The following ACTR3C variants were observed in gnomAD, a reference collection of about 807,000 sequenced individuals.
ACTR3C encodes actin-related protein 3C.
A neutral mutation model predicts 26.3 loss-of-function variants in ACTR3C; 18 were observed. That is an observed-to-expected ratio of 0.68 (90% CI 0.47 to 1.01). ACTR3C has a LOEUF of 1.01. Among genes scored for constraint, ACTR3C ranks in the 50% least tolerant of loss-of-function variants. ACTR3C has a pLI of 0.00. For missense variants in ACTR3C, 184 were observed against 250.7 expected, an observed-to-expected ratio of 0.73 and a Z score of 1.80; for synonymous variants, 55 against 94.5, an observed-to-expected ratio of 0.58 and a Z score of 2.42.
At chr7:150,017,958 C>T in the ACTR3C span, among the ~76,000 whole-genome samples, 1 of 150,366 alleles carries the variant, frequency 6.7e-6, no homozygotes, top group South Asian at 2.1e-4. Context: ...AAGCAAAGGC[C>T]ACCTGATGTG....
the ACTR3C span, among the ~76,000 whole-genome samples, chr7:149,888,689 C>T: frequency 1.3e-5 from 2 of 152,164 alleles, no homozygotes; most frequent in African/African-American, 2.4e-5. Context: ...CAAGATCAGA[C>T]AGCCTCATTT....
the ACTR3C span, among the ~76,000 whole-genome samples, chr7:150,006,308 T>C: frequency 2.6e-5 from 4 of 152,022 alleles, no homozygotes; most frequent in South Asian, 8.3e-4. Flanking sequence ...AGCATTCTCC[T>C]GCCTCAGCCT....
At chr7:150,201,983 A>G in the ACTR3C span, among the ~76,000 whole-genome samples, 2 of 152,118 alleles carry the variant, frequency 1.3e-5, no homozygotes, top group Non-Finnish European at 2.9e-5. Context: ...TCAAGGAGGA[A>G]TTTCTGGGCT....
chr7:150,151,052 C>CTATA, the ACTR3C span, among the ~76,000 whole-genome samples: 2 of 66,136 alleles, frequency 3.0e-5, no homozygotes, highest in African/African-American at 1.1e-4. Context: ...TACAGTAAAA[C>CTATA]TATATTTTCC....
chr7:150,100,403 G>A, the ACTR3C span, among the ~76,000 whole-genome samples: 1 of 151,668 alleles, frequency 6.6e-6, no homozygotes, highest in South Asian at 2.1e-4. Flanking sequence ...TCTGCGCTGA[G>A]TTTTACAGGT....
the ACTR3C span, among the ~76,000 whole-genome samples, chr7:149,969,269 CTGTGTGTGTGTGTG>C: frequency 0.022 from 3,141 of 141,464 alleles, 116 homozygotes; most frequent in African/African-American, 0.074. Flanking sequence ...TCAGAAAGAG[CTGTGTGTGTGTGTG>C]TGTGTGTGTG....
chr7:150,086,134 C>T, the ACTR3C span, among the ~76,000 whole-genome samples: 2 of 152,060 alleles, frequency 1.3e-5, no homozygotes, highest in Non-Finnish European at 2.9e-5. Context: ...CACGTGTGTG[C>T]CACCACACAT....
chr7:149,901,917 A>C, the ACTR3C span, among the ~76,000 whole-genome samples: 1 of 52,060 alleles, frequency 1.9e-5, no homozygotes, highest in African/African-American at 8.6e-5. Flanking sequence ...TCTCAAAAAA[A>C]AAAAAAAAAA....
At chr7:150,146,122 T>C in the ACTR3C span, among the ~76,000 whole-genome samples, 1 of 152,228 alleles carries the variant, frequency 6.6e-6, no homozygotes, top group Non-Finnish European at 1.5e-5. Flanking sequence ...TTATTAGTTA[T>C]CCATGTATAT....
At chr7:150,046,907 T>C in the ACTR3C span, among the ~76,000 whole-genome samples, 4 of 151,318 alleles carry the variant, frequency 2.6e-5, no homozygotes, top group Non-Finnish European at 5.9e-5. Flanking sequence ...CTGAACACGG[T>C]CTAAGGCAGA....
the ACTR3C span, among the ~76,000 whole-genome samples, chr7:149,932,690 GGA>G: frequency 1.3e-5 from 2 of 150,466 alleles, no homozygotes; most frequent in East Asian, 4.0e-4. Context: ...AGGGAGCGGG[GGA>G]GAGAGAGAAA....
the ACTR3C span, among the ~76,000 whole-genome samples, chr7:150,172,270 T>C: frequency 6.6e-6 from 1 of 150,642 alleles, no homozygotes. Context: ...AAAGGAGGTT[T>C]AATTGGACTT....
the ACTR3C span, among the ~76,000 whole-genome samples, chr7:150,196,439 T>C: frequency 3.3e-5 from 5 of 152,228 alleles, no homozygotes; most frequent in Non-Finnish European, 5.9e-5. Flanking sequence ...TTTTAGCATT[T>C]CCATTGATTC....
chr7:150,184,517 C>T, the ACTR3C span, among the ~76,000 whole-genome samples: 1 of 150,328 alleles, frequency 6.7e-6, no homozygotes, highest in African/African-American at 2.5e-5. Flanking sequence ...GTGAATCTAT[C>T]TCCATTCTTG....
the ACTR3C span, among the ~76,000 whole-genome samples, chr7:150,210,227 G>A: frequency 6.7e-6 from 1 of 149,898 alleles, no homozygotes; most frequent in East Asian, 1.9e-4. Flanking sequence ...TCTTGAGTGT[G>A]GGCAAGGATT....
At chr7:149,940,855 A>G in the ACTR3C span, among the ~76,000 whole-genome samples, 2 of 150,076 alleles carry the variant, frequency 1.3e-5, no homozygotes, top group African/African-American at 4.9e-5. Context: ...AGAGGGGAAG[A>G]CAAGCTGGGC....
chr7:150,171,772 C>T, the ACTR3C span, among the ~76,000 whole-genome samples: 6 of 150,118 alleles, frequency 4.0e-5, no homozygotes, highest in Non-Finnish European at 8.8e-5. Flanking sequence ...ACACAGCTTA[C>T]AAATATTAAA....
intron 1 of ACTR3C, chr7:150,323,120 A>G (rs1797724645): frequency 5.3e-6 from 1 of 188,146 alleles, no homozygotes; most frequent in Non-Finnish European, 1.1e-5. Context: ...CTAAGGCCGC[A>G]CCGATAAACG....
chr7:150,251,484 C>T (rs540493179), intron 6 of ACTR3C, among the ~76,000 whole-genome samples: 43 of 152,070 alleles, frequency 2.8e-4, no homozygotes, highest in Non-Finnish European at 5.4e-4. Flanking sequence ...CAATATTCAA[C>T]CCTTTTAAAA....
Sources: allele counts gnomAD v4.1 joint callset (sites outside exome capture counted in the v4.1 genomes callset), GRCh38; gene constraint gnomAD v4.1.1; transcripts MANE v1.5; gene names NCBI Gene and HGNC (gene_info 2026-07-23, HGNC 2026-07-21).